TMC6: variants seen among roughly 807,000 people sequenced by gnomAD.
TMC6 encodes transmembrane channel like 6.
Under a neutral mutation model 95.4 loss-of-function variants are expected in TMC6, and 71 were observed. That is an observed-to-expected ratio of 0.74 (90% confidence interval 0.61 to 0.91). The LOEUF is 0.91. Among genes scored for constraint, TMC6 ranks in the 40% least tolerant of loss-of-function variants. TMC6 has a pLI of 0.00. For missense variants in TMC6, 1,074 were observed against 1,079.1 expected, an observed-to-expected ratio of 1.00 and a Z score of 0.07; for synonymous variants, 514 against 483.1, an observed-to-expected ratio of 1.06 and a Z score of -0.84.
In TMC6 at chr17:78,128,679, CG is replaced by C. The variant is rs1210696823; in HGVS notation, c.-143del. ...CTCACCTGTGCCCCGCAAGAGCCGC[CG>C]GGAACTGAGGTCTCGGCTCTCCTTG... On this transcript the variant is annotated 5_prime_UTR_variant, in exon 1 of 20. Transcript: ENST00000590602. This position sits in a 1 kb window ranked among gnomAD's most constrained non-coding sequence, Gnocchi z 4.0. The C allele has an allele frequency of 2.6e-5, 4 of 152,008 alleles. No individual in the cohort carries two copies. The East Asian group carries it at 7.8e-4, about 30-fold the overall frequency. 9.4% of individuals were successfully genotyped at this position (152,008 alleles called of 1,614,324 possible).
chr17:78,114,721 GC>G (rs1027425532), intron 18 of TMC6, among the ~76,000 whole-genome samples: 3 of 152,166 alleles, frequency 2.0e-5, no homozygotes, highest in Non-Finnish European at 4.4e-5. Flanking sequence ...GAGACCATGG[GC>G]CCCTTAAGCA....
intron 15 of TMC6, among the ~76,000 whole-genome samples, chr17:78,118,429 G>A (rs1447906744): frequency 9.2e-5 from 14 of 152,180 alleles, no homozygotes; most frequent in African/African-American, 3.4e-4. Flanking sequence ...GGTGGCGGGC[G>A]CCTGTAGTCC....
chr17:78,114,076 GT>G (rs2073932000), intron 18 of TMC6: 1 of 298,974 alleles, frequency 3.3e-6, no homozygotes, highest in Non-Finnish European at 6.5e-6. Context: ...TCAACTTTCA[GT>G]TCTGGAAGTG....
At position 78,124,980 on chromosome 17, in the gene TMC6, T is replaced by C. The variant is rs2074627715; in HGVS notation, c.542A>G (p.Lys181Arg). Residue 181 changes from lysine (K) to arginine (R), a missense_variant, in exon 7 of 20, where the codon AAG becomes AGG. Coordinates refer to ENST00000590602, the MANE Select transcript of TMC6 (RefSeq NM_001127198.5). ...SLAEKRSLRE[K>R]SRTPRGKWRG... is the part of the protein sequence containing the mutation. ...CCACTTCCCCCTCGGGGTCCTGCTC[T>C]TCTCTCTGGGGACAGAGGCAGCCAT... The C allele has an allele frequency of 6.3e-7, 1 of 1,589,164 alleles. No individual in the cohort carries two copies. The highest frequency in any genetic ancestry group is 8.5e-7 in the Non-Finnish European group (1 of 1,170,642).
chr17:78,109,255 T>A lies in TMC6; in HGVS notation c.*3893A>T, dbSNP rs1262723645. On this transcript the variant is annotated 3_prime_UTR_variant, in exon 20 of 20. Coordinates refer to ENST00000590602, the MANE Select transcript of TMC6 (RefSeq NM_001127198.5). The stretch of plus-strand genomic sequence containing the variant: ...GAAGCCAGCAGACACAGAGGCATCA[T>A]GGCGAGCCCCGACTGAGTGTTCAGT... The A allele has an allele frequency of 2.8e-6, 1 of 351,534 alleles. No individual in the cohort carries two copies. Among genetic ancestry groups the A allele is most frequent in the East Asian group, 7.6e-5 (1 of 13,086 alleles). The allele number at this position is 351,534 out of a possible 1,614,324, so 21.8% of individuals were successfully genotyped here.
chr17:78,126,244 G>A (rs754414639), intron 4 of TMC6, 33 bp downstream of exon 4: 211 of 1,542,074 alleles, frequency 1.4e-4, no homozygotes, highest in South Asian at 5.9e-4. Context: ...ACTCGGGGCC[G>A]GGGCCGAGGC....
intron 14 of TMC6, 35 bp downstream of exon 14, chr17:78,119,262 G>A (rs776645535): frequency 3.7e-6 from 6 of 1,610,870 alleles, no homozygotes; most frequent in Non-Finnish European, 5.1e-6. Context: ...CTGACCGAGG[G>A]GCCAGACAGT....
intron 18 of TMC6, among the ~76,000 whole-genome samples, chr17:78,116,848 C>A (rs1385724538): frequency 6.6e-6 from 1 of 152,176 alleles, no homozygotes; most frequent in Admixed American, 6.5e-5. Context: ...CCACTGCACT[C>A]CAGCCTGGGT....
intron 9 of TMC6, among the ~76,000 whole-genome samples, chr17:78,123,567 G>T: frequency 6.7e-6 from 1 of 148,184 alleles, no homozygotes; most frequent in South Asian, 2.2e-4. Flanking sequence ...GTGGATGGGT[G>T]AATGGGTGAA....
chr17:78,109,564 G>T lies in TMC6; in HGVS notation c.*3584C>A. The T allele has an allele frequency of 2.2e-6, 1 of 455,060 alleles. No homozygotes were observed. The highest frequency in any genetic ancestry group is 4.4e-6 in the Non-Finnish European group (1 of 226,576). The allele number at this position is 455,060 out of a possible 1,614,324, so 28.2% of individuals were successfully genotyped here. A position where few individuals can be genotyped will look rare whatever the true frequency, so the allele number is the denominator to read the frequency against. ...GAGGATCACCTGAGCCCAGGAGGTC[G>T]AGGCTGCAGTGAGCTGTGATCGTGC... On this transcript the variant is annotated 3_prime_UTR_variant, in exon 20 of 20. Transcript: ENST00000590602.
At chr17:78,126,935 GTGGTC>G in intron 1 of TMC6, 29 bp from the exon 2 acceptor site, 1 of 1,410,084 alleles carries the variant, frequency 7.1e-7, no homozygotes, top group Non-Finnish European at 9.8e-7. Context: ...AGAGCCAGGG[GTGGTC>G]TTCAACGCCT....
At chr17:78,131,594 G>A (rs1426590345), upstream of TMC6, 26 of 1,546,056 alleles carry the variant, frequency 1.7e-5, no homozygotes, top group Non-Finnish European at 2.1e-5. Flanking sequence ...CCGAGATGCT[G>A]CTGCCGCGGT....
chr17:78,120,255 G>A (rs1017057145), intron 13 of TMC6: 1 of 364,994 alleles, frequency 2.7e-6, no homozygotes, highest in Middle Eastern at 9.8e-4. Flanking sequence ...CGCTTCCCAG[G>A]TTCAAGCGAT....
chr17:78,117,163 T>A (rs1031124443), intron 18 of TMC6, 106 bp downstream of exon 18: 1 of 1,257,620 alleles, frequency 8.0e-7, no homozygotes, highest in African/African-American at 1.5e-5. Flanking sequence ...ACAAACCCTT[T>A]CACCAGCCAA....
At position 78,120,843 on chromosome 17, in the gene TMC6, C is replaced by G. The variant is rs367991714; in HGVS notation, c.1536-11G>C. Reference sequence around the variant, plus strand: ...TTGAGGATGAGGTTCCTGCGGAGGGCGGGGTGCAAAGGCTGAGGGGCGGGT... The same window carrying G: ...TTGAGGATGAGGTTCCTGCGGAGGGGGGGGTGCAAAGGCTGAGGGGCGGGT... On this transcript the variant is annotated splice_polypyrimidine_tract_variant and intron_variant, in intron 12 of 19. Coordinates refer to ENST00000590602, the MANE Select transcript of TMC6 (RefSeq NM_001127198.5). The G allele has an allele frequency of 6.2e-7, 1 of 1,611,066 alleles. No homozygotes were observed. Among genetic ancestry groups the G allele is most frequent in the South Asian group, 1.1e-5 (1 of 91,058 alleles).
At chr17:78,132,367 G>C (rs755470929), upstream of TMC6, 29 of 1,612,804 alleles carry the variant, frequency 1.8e-5, no homozygotes, top group East Asian at 4.0e-4. Flanking sequence ...AGGCCTCTTC[G>C]GCACAGGAAT....
rs1412054907 is a variant in TMC6, at chr17:78,112,996, T to A, written c.*152A>T. 2.4e-6 allele frequency: 2 copies of A among 834,620 alleles called. No individual in the cohort carries two copies. Among genetic ancestry groups the A allele is most frequent in the East Asian group, 2.7e-5 (1 of 37,672 alleles). 51.7% of individuals were successfully genotyped at this position (834,620 alleles called of 1,614,324 possible). On this transcript the variant is annotated 3_prime_UTR_variant, in exon 20 of 20. Transcript: ENST00000590602. ...GTTCATTGGGGATGCCCAAGCCGGA[T>A]TCACCCACCCTTCCAGCTCCAGCCT...
chr17:78,127,896 G>C (rs2145463367), intron 1 of TMC6, among the ~76,000 whole-genome samples: 1 of 152,234 alleles, frequency 6.6e-6, no homozygotes, highest in African/African-American at 2.4e-5. Context: ...CCCTCCAGCA[G>C]GAGCAAAGAC....
upstream of TMC6, among the ~76,000 whole-genome samples, chr17:78,129,550 G>A (rs565897363): frequency 5.3e-5 from 8 of 152,136 alleles, no homozygotes; most frequent in Admixed American, 3.9e-4. The surrounding 1 kb of genome is among the most constrained non-coding windows in gnomAD (Gnocchi z 4.3). Flanking sequence ...CATTCCTGGC[G>A]GGGAGAAGCC....
Sources: allele counts gnomAD v4.1 joint callset (sites outside exome capture counted in the v4.1 genomes callset), GRCh38; gene constraint gnomAD v4.1.1; non-coding constraint Gnocchi (gnomAD v3.1); transcripts MANE v1.5; gene names NCBI Gene and HGNC (gene_info 2026-07-23, HGNC 2026-07-21).